The following SLC23A2 variants were observed in gnomAD, a reference collection of about 807,000 sequenced individuals.
SLC23A2 encodes solute carrier family 23 member 2.
In SLC23A2, 36 loss-of-function variants were observed where a neutral mutation model predicts 73.3. The observed-to-expected ratio is 0.49, with a 90% CI of 0.38 to 0.65. The LOEUF (loss-of-function observed/expected upper bound fraction) is 0.65, where lower values mean the gene tolerates loss of function less well. Among genes scored for constraint, SLC23A2 ranks in the 30% least tolerant of loss-of-function variants. The probability of loss-of-function intolerance (pLI) is 0.00; values close to 1 mark genes in which losing one functional copy is unlikely to be tolerated. For missense variants in SLC23A2, 507 were observed against 841.6 expected (o/e 0.60, Z 4.92); for synonymous variants, 343 against 327.3 (o/e 1.05, Z -0.52).
intron 1 of SLC23A2, among the ~76,000 whole-genome samples, chr20:4,995,518 G>A (rs1255652479): frequency 6.6e-6 from 1 of 152,102 alleles, no homozygotes; most frequent in East Asian, 1.9e-4. Flanking sequence ...CCTTCCAACT[G>A]TCCTAACTCA....
At chr20:5,006,186 CCTCT>C (rs2088188975), upstream of SLC23A2, among the ~76,000 whole-genome samples, 1 of 151,862 alleles carries the variant, frequency 6.6e-6, no homozygotes, top group African/African-American at 2.4e-5. Flanking sequence ...CAATCTCCTC[CCTCT>C]GAGTTCAAGC....
chr20:4,873,118 C>T (rs1186677013), intron 11 of SLC23A2, among the ~76,000 whole-genome samples: 2 of 152,252 alleles, frequency 1.3e-5, no homozygotes, highest in Non-Finnish European at 2.9e-5. Context: ...AGCCAACACT[C>T]ATCATTCAAC....
chr20:4,933,502 G>A (rs990932982), intron 2 of SLC23A2, among the ~76,000 whole-genome samples: 2 of 151,912 alleles, frequency 1.3e-5, no homozygotes, highest in Admixed American at 6.6e-5. Flanking sequence ...GGTGGTGCAC[G>A]CCTGTAATCC....
intron 6 of SLC23A2, among the ~76,000 whole-genome samples, chr20:4,897,540 G>C (rs1359209354): frequency 6.6e-6 from 1 of 152,198 alleles, no homozygotes. Flanking sequence ...GGGTCCCTGA[G>C]CCATCCCAGT....
At chr20:4,940,566 A>T (rs2087024989) in intron 2 of SLC23A2, among the ~76,000 whole-genome samples, 1 of 152,238 alleles carries the variant, frequency 6.6e-6, no homozygotes, top group Admixed American at 6.5e-5. Flanking sequence ...AACAAAATCC[A>T]GAAAAAGTAA....
intron 2 of SLC23A2, among the ~76,000 whole-genome samples, chr20:4,944,872 T>C (rs558208752): frequency 1.4e-4 from 21 of 152,304 alleles, no homozygotes; most frequent in Admixed American, 9.8e-4. Context: ...GGCTGCTCCA[T>C]TAAGTTCTGT....
At chr20:4,944,636 T>A (rs1268870204) in intron 2 of SLC23A2, among the ~76,000 whole-genome samples, 2 of 152,228 alleles carry the variant, frequency 1.3e-5, no homozygotes, top group African/African-American at 4.8e-5. Flanking sequence ...GAAAAAGCTA[T>A]TGTCTGCACT....
intron 4 of SLC23A2, among the ~76,000 whole-genome samples, chr20:4,912,241 C>T (rs1932182544): frequency 1.3e-5 from 2 of 151,696 alleles, no homozygotes; most frequent in South Asian, 4.2e-4. Context: ...CAAAAATAAA[C>T]AAAAAAACCA....
In SLC23A2 at chr20:4,867,668, G is replaced by C. The variant is rs1600081301; in HGVS notation, c.1356+102C>G. 32 of 315,350 alleles carry C rather than the reference G, an allele frequency of 1.0e-4. 1 individual carries two copies. The South Asian group carries it at 1.8e-3, about 18-fold the overall frequency. The allele number at this position is 315,350 out of a possible 1,614,324, so 19.5% of individuals were successfully genotyped here. On this transcript the variant is annotated intron_variant, in intron 13 of 16. Transcript: ENST00000338244. The stretch of plus-strand genomic sequence containing the variant: ...AAAAAAGGAGAGAAGTAATTTTTTA[G>C]AACCAGAGGCCCGCCCATTTGGAAC...
At chr20:5,005,000 A>AAAAT (rs11474342), upstream of SLC23A2, among the ~76,000 whole-genome samples, 81,845 of 143,138 alleles carry the variant, frequency 0.57, 23,654 homozygotes, top group Middle Eastern at 0.63. Flanking sequence ...CTCCGTCTCA[A>AAAAT]AAATAAATAA....
intron 2 of SLC23A2, among the ~76,000 whole-genome samples, chr20:4,960,060 C>T (rs1218260426): frequency 4.6e-5 from 7 of 152,216 alleles, no homozygotes; most frequent in Admixed American, 3.9e-4. Context: ...TCCCAAAGTG[C>T]TGGGATTACA....
At chr20:4,997,907 C>G (rs2088051226) in intron 1 of SLC23A2, among the ~76,000 whole-genome samples, 1 of 152,036 alleles carries the variant, frequency 6.6e-6, no homozygotes, top group Non-Finnish European at 1.5e-5. Context: ...CAGGTGTGAC[C>G]AACAGTGCTT....
intron 2 of SLC23A2, among the ~76,000 whole-genome samples, chr20:4,953,983 T>C (rs537119461): frequency 2.6e-5 from 4 of 152,226 alleles, no homozygotes; most frequent in South Asian, 2.1e-4. Context: ...ATTTTTTAAA[T>C]GTCAGACACA....
chr20:4,874,755 AC>A (rs1316384234), intron 9 of SLC23A2, 59 bp from the exon 10 acceptor site: 3 of 1,442,606 alleles, frequency 2.1e-6, no homozygotes, highest in Non-Finnish European at 2.8e-6. Flanking sequence ...TTATAAAATA[AC>A]ACTCGAAGCT....
intron 2 of SLC23A2, among the ~76,000 whole-genome samples, chr20:4,954,312 T>C (rs1240563859): frequency 6.6e-6 from 1 of 152,128 alleles, no homozygotes; most frequent in African/African-American, 2.4e-5. Context: ...TTGCACCCCA[T>C]AGAAAATAGC....
chr20:4,965,656 A>G (rs1970193286), intron 2 of SLC23A2, among the ~76,000 whole-genome samples: 1 of 151,894 alleles, frequency 6.6e-6, no homozygotes, highest in Non-Finnish European at 1.5e-5. Context: ...CCCAGCTACC[A>G]GGCAAGCTGA....
At chr20:5,008,953 G>A (rs750173808) in intron 1 of SLC23A2, among the ~76,000 whole-genome samples, 1 of 151,926 alleles carries the variant, frequency 6.6e-6, no homozygotes, top group Non-Finnish European at 1.5e-5. Context: ...AAAAAGCCAC[G>A]TACAGTATTT....
chr20:5,009,737 T>C (rs1433613473), intron 1 of SLC23A2, among the ~76,000 whole-genome samples: 1 of 152,004 alleles, frequency 6.6e-6, no homozygotes, highest in Non-Finnish European at 1.5e-5. Context: ...TTCTGGAGAA[T>C]TGGAAACTGA....
chr20:4,979,252 CACT>C (rs2087690467), intron 1 of SLC23A2, among the ~76,000 whole-genome samples: 1 of 151,906 alleles, frequency 6.6e-6, no homozygotes, highest in Admixed American at 6.6e-5. Flanking sequence ...GAGATCACAC[CACT>C]GCACTCCAGC....
Sources: allele counts gnomAD v4.1 joint callset (sites outside exome capture counted in the v4.1 genomes callset), GRCh38; gene constraint gnomAD v4.1.1; transcripts MANE v1.5; gene names NCBI Gene and HGNC (gene_info 2026-07-23, HGNC 2026-07-21).